The following RTKN variants were observed in gnomAD, a reference collection of about 807,000 sequenced individuals.
RTKN encodes the protein rhotekin.
RTKN carries 49 observed loss-of-function variants against 63.5 expected under a neutral mutation model. The ratio of observed to expected loss-of-function variants is 0.77; its 90% CI spans 0.61 to 0.98. The LOEUF is 0.98. Ranked by LOEUF, RTKN falls within the 50% of genes least tolerant of loss-of-function variation. RTKN has a pLI of 0.00. For missense variants in RTKN, 685 were observed against 740.8 expected (o/e 0.92, Z 0.87); for synonymous variants, 295 against 290.4 (o/e 1.02, Z -0.16).
In RTKN at chr2:74,430,084, G is replaced by A. The variant is rs373004055; in HGVS notation, c.546-47C>T. On this transcript the variant is annotated intron_variant, in intron 5 of 11. Transcript: ENST00000272430. ...GGTGGTCACAGGAAAGTCCAGGGAG[G>A]CAGAGGGTAGGGGATGTGGGTGAGG... 4.5e-4 allele frequency: 725 copies of A among 1,604,332 alleles called. 4 individuals carry two copies. The highest frequency in any genetic ancestry group is 1.6e-3 in the South Asian group (149 of 90,686).
At chr2:74,438,642 T>G (rs949279180) in intron 1 of RTKN, among the ~76,000 whole-genome samples, 2 of 152,208 alleles carry the variant, frequency 1.3e-5, no homozygotes, top group African/African-American at 4.8e-5. Context: ...CCCCAACTAC[T>G]ATATTCCAGC....
intron 6 of RTKN, 32 bp from the exon 7 acceptor site, chr2:74,428,974 G>A: frequency 6.4e-7 from 1 of 1,563,768 alleles, no homozygotes; most frequent in Non-Finnish European, 8.8e-7. Context: ...ATCAGCCAAG[G>A]GAGGGGCATG....
chr2:74,427,517 C>T lies in RTKN; in HGVS notation c.1162G>A (p.Gly388Arg), dbSNP rs202238561. Residue 388 changes from glycine (G) to arginine (R), a missense_variant, in exon 10 of 12, where the codon GGG (glycine) becomes AGG (arginine). Coordinates refer to ENST00000272430, the MANE Select transcript of RTKN (RefSeq NM_001015055.2). ...PFTLSISNQY[G>R]DDEVTHTLQT... is the part of the protein sequence containing the mutation. Reference sequence around the variant, plus strand: ...AGGGTGTGTGTCACCTCATCATCCCCATACTGGTTACTGATGCTTAGGGTG... The same window carrying T: ...AGGGTGTGTGTCACCTCATCATCCCTATACTGGTTACTGATGCTTAGGGTG... The T allele has an allele frequency of 1.2e-6, 2 of 1,614,184 alleles. No homozygotes were observed. The highest frequency in any genetic ancestry group is 2.2e-5 in the East Asian group (1 of 44,888).
intron 2 of RTKN, among the ~76,000 whole-genome samples, chr2:74,431,366 C>T (rs1336061725): frequency 2.0e-5 from 3 of 152,144 alleles, no homozygotes; most frequent in Admixed American, 1.3e-4. Context: ...CCCTCCCTGC[C>T]CATCATCAGG....
intron 1 of RTKN, among the ~76,000 whole-genome samples, chr2:74,433,965 T>C (rs1670911025): frequency 6.6e-6 from 1 of 151,922 alleles, no homozygotes; most frequent in South Asian, 2.1e-4. Context: ...AAAAGAAGGG[T>C]AGTATTGCAC....
Position 74,428,249 on chromosome 2 carries a change from C to T in RTKN, c.1086+19G>A. ...TGGGCCTGTGCCCTTGGTGGCCTTA[C>T]TACCAAGGGACCCATCACCTTGTTG... On this transcript the variant is annotated intron_variant, in intron 9 of 11. Transcript: ENST00000272430. The T allele has an allele frequency of 6.2e-7, 1 of 1,614,114 alleles. No homozygotes were observed. Among genetic ancestry groups the T allele is most frequent in the Non-Finnish European group, 8.5e-7 (1 of 1,179,984 alleles).
At chr2:74,431,992 A>C (rs543130869) in intron 2 of RTKN, 1 of 259,142 alleles carries the variant, frequency 3.9e-6, no homozygotes, top group African/African-American at 2.3e-5. Context: ...TAGAATGCAC[A>C]ATCTAATTTG....
intron 2 of RTKN, chr2:74,431,948 T>C (rs576765620): frequency 4.7e-6 from 1 of 213,808 alleles, no homozygotes; most frequent in African/African-American, 2.3e-5. Flanking sequence ...ATGTCAGTGT[T>C]GCTTACATTT....
intron 1 of RTKN, among the ~76,000 whole-genome samples, chr2:74,434,114 T>G (rs1175339951): frequency 1.3e-5 from 2 of 152,022 alleles, no homozygotes; most frequent in Admixed American, 6.6e-5. Context: ...GATACTTTTT[T>G]TTTTTTGAGA....
intron 11 of RTKN, 89 bp from the exon 12 acceptor site, chr2:74,426,663 T>G (rs1670414397): frequency 6.8e-7 from 1 of 1,469,890 alleles, no homozygotes; most frequent in African/African-American, 1.4e-5. Flanking sequence ...GTCACTGTAA[T>G]AGGAGGAAAG....
At position 74,429,348 on chromosome 2, in the gene RTKN, G is replaced by A. The variant is rs577029449; in HGVS notation, c.756-406C>T. On this transcript the variant is annotated intron_variant, in intron 6 of 11. Transcript: ENST00000272430. ...TCTCAGAGTCTCAGTGGTCCCATGC[G>A]GTGTCTCCAGGTGCATTTAGGTACC... Among the ~76,000 whole-genome samples the A allele has an allele frequency of 2.6e-4, 40 of 152,222 alleles. 1 individual carries two copies. In the South Asian group the frequency reaches 7.1e-3, roughly 27 times the overall value.
At chr2:74,439,227 C>T (rs1316859908) in intron 1 of RTKN, among the ~76,000 whole-genome samples, 1 of 152,250 alleles carries the variant, frequency 6.6e-6, no homozygotes, top group Non-Finnish European at 1.5e-5. Flanking sequence ...TACATCCTTT[C>T]TGTAAACCTC....
At chr2:74,427,370 A>G (rs1670456563) in intron 10 of RTKN, 54 bp downstream of exon 10, 1 of 1,608,446 alleles carries the variant, frequency 6.2e-7, no homozygotes, top group African/African-American at 1.3e-5. Flanking sequence ...CTTTAGTAAA[A>G]ATGACAAACT....
chr2:74,441,350 C>G (rs1391723105), intron 1 of RTKN, among the ~76,000 whole-genome samples: 1 of 152,196 alleles, frequency 6.6e-6, no homozygotes, highest in Admixed American at 6.5e-5. Context: ...GCCAAGAGTC[C>G]GAGCGCTTGG....
At chr2:74,439,762 G>C in intron 1 of RTKN, 1 of 1,504,616 alleles carries the variant, frequency 6.6e-7, no homozygotes, top group Non-Finnish European at 8.9e-7. Flanking sequence ...GAGGGCAGAA[G>C]CTGCCCTTAT....
intron 1 of RTKN, among the ~76,000 whole-genome samples, chr2:74,434,066 G>A (rs1011343262): frequency 6.6e-6 from 1 of 151,768 alleles, no homozygotes; most frequent in Non-Finnish European, 1.5e-5. Flanking sequence ...AAATATTAGT[G>A]ATTGTAGGCC....
intron 11 of RTKN, 180 bp from the exon 12 acceptor site, chr2:74,426,754 A>G: frequency 7.3e-7 from 1 of 1,378,618 alleles, no homozygotes. Context: ...ACAGGCTCTG[A>G]TAAGACTGTG....
At chr2:74,435,628 CAG>C (rs1328963902) in intron 1 of RTKN, among the ~76,000 whole-genome samples, 7 of 152,172 alleles carry the variant, frequency 4.6e-5, no homozygotes, top group Non-Finnish European at 8.8e-5. Context: ...AGGAAAGCTT[CAG>C]AGAGGAGTTG....
rs1454141102 is a variant in RTKN at position 74,439,454 on chromosome 2, G to A, written c.111+2252C>T. Reference sequence around the variant, plus strand: ...CCCTCTTCCCACTTTAAGCAGGCCTGGCTCTCCCCACCATGCTGTAGCAGG... The same window carrying A: ...CCCTCTTCCCACTTTAAGCAGGCCTAGCTCTCCCCACCATGCTGTAGCAGG... On this transcript the variant is annotated intron_variant, in intron 1 of 11. Transcript: ENST00000272430. 19 of 1,385,378 alleles carry A rather than the reference G, an allele frequency of 1.4e-5. No homozygotes were observed. The Middle Eastern group carries it at 7.3e-4, about 53-fold the overall frequency. 85.8% of individuals were successfully genotyped at this position (1,385,378 alleles called of 1,614,324 possible).
Sources: allele counts gnomAD v4.1 joint callset (sites outside exome capture counted in the v4.1 genomes callset), GRCh38; gene constraint gnomAD v4.1.1; transcripts MANE v1.5; gene names NCBI Gene and HGNC (gene_info 2026-07-23, HGNC 2026-07-21).